PCCA: variants seen among roughly 807,000 people sequenced by gnomAD.
PCCA encodes propionyl-CoA carboxylase alpha chain, mitochondrial.
PCCA carries 74 observed loss-of-function variants against 101.3 expected under a neutral mutation model. That is an observed-to-expected ratio of 0.73 (90% CI 0.61 to 0.89). The LOEUF (loss-of-function observed/expected upper bound fraction) is 0.89. PCCA is among the 40% of genes least tolerant of loss of function. The pLI, the probability that PCCA is intolerant of heterozygous loss-of-function variation, is 0.00. For missense variants in PCCA, 891 were observed against 907.0 expected, an observed-to-expected ratio of 0.98 and a Z score of 0.23; for synonymous variants, 294 against 313.6, an observed-to-expected ratio of 0.94 and a Z score of 0.66.
intron 21 of PCCA, among the ~76,000 whole-genome samples, chr13:100,486,756 T>G (rs2084407715): frequency 6.6e-6 from 1 of 151,926 alleles, no homozygotes; most frequent in Non-Finnish European, 1.5e-5. Context: ...CTGCAAAAAA[T>G]TCAAAAAGTA....
chr13:100,410,749 C>T (rs938655141), intron 19 of PCCA, among the ~76,000 whole-genome samples: 1 of 152,114 alleles, frequency 6.6e-6, no homozygotes, highest in Admixed American at 6.6e-5. Context: ...CCACTGACAA[C>T]CTAGCACACT....
intron 16 of PCCA, among the ~76,000 whole-genome samples, chr13:100,319,986 G>A (rs1443432089): frequency 6.6e-6 from 1 of 152,116 alleles, no homozygotes; most frequent in African/African-American, 2.4e-5. Context: ...CCATTTGTTT[G>A]TGTCTTTTAT....
chr13:100,522,422 G>A (rs1790003322), intron 22 of PCCA, among the ~76,000 whole-genome samples: 2 of 152,130 alleles, frequency 1.3e-5, no homozygotes, highest in Admixed American at 1.3e-4. Context: ...TGATGAACCT[G>A]TCTTTTGTAT....
Position 100,209,368 on chromosome 13 carries a change from C to T in PCCA, c.505C>T (p.His169Tyr), listed in dbSNP as rs765051360. ...TGTCGTTTTCATTGGACCTGACACACATGCTATTCAAGCCATGGGCGACAA... is the reference window on the plus strand; with the variant it reads ...TGTCGTTTTCATTGGACCTGACACATATGCTATTCAAGCCATGGGCGACAA... ...EDVVFIGPDT[H>Y]AIQAMGDKIE... is the part of the protein sequence containing the mutation. Residue 169 changes from histidine to tyrosine, a missense_variant, in exon 7 of 24, where the codon CAT becomes TAT. By Grantham distance (83) the His-to-Tyr change is moderately conservative. Transcript: ENST00000376285. 37 of 1,612,946 alleles carry T rather than the reference C, an allele frequency of 2.3e-5. No individual in the cohort carries two copies. The highest frequency in any genetic ancestry group is 2.8e-5 in the Non-Finnish European group (33 of 1,179,036).
Position 100,361,444 on chromosome 13 carries a change from C to CT in PCCA, c.1644-7013dup, listed in dbSNP as rs71419745. Among the ~76,000 whole-genome samples the CT allele has an allele frequency of 8.6e-3, 1,289 of 149,376 alleles. 14 individuals carry two copies. Among genetic ancestry groups the CT allele is most frequent in the African/African-American group, 0.026 (1,077 of 40,772 alleles). ...CTAAAACTGCTTTAAAAAATAATGTCTTTTTTTTTTTTTTTAAATCTGCTG... is the reference window on the plus strand; with the variant it reads ...CTAAAACTGCTTTAAAAAATAATGTCTTTTTTTTTTTTTTTTAAATCTGCTG... On this transcript the variant is annotated intron_variant, in intron 18 of 23. Coordinates refer to ENST00000376285, the MANE Select transcript of PCCA (RefSeq NM_000282.4).
intron 7 of PCCA, among the ~76,000 whole-genome samples, chr13:100,231,279 C>T (rs2060456033): frequency 6.6e-6 from 1 of 152,114 alleles, no homozygotes; most frequent in African/African-American, 2.4e-5. Context: ...AGAATTGGGC[C>T]TATTGTAATA....
At position 100,368,388 on chromosome 13, in the gene PCCA, T is replaced by C. The variant is rs16957348; in HGVS notation, c.1644-84T>C. The C allele has an allele frequency of 8.7e-3, 6,846 of 785,104 alleles. 321 individuals carry two copies. In the African/African-American group the frequency reaches 0.11, roughly 12 times the overall value. The allele number at this position is 785,104 out of a possible 1,614,324, so 48.6% of individuals were successfully genotyped here. A position where few individuals can be genotyped will look rare whatever the true frequency, so the allele number is the denominator to read the frequency against. ...TACATTCAATGGCAGTTTTAGCCTG[T>C]GCATTTTATATCAAAGGGAAATTAG... On this transcript the variant is annotated intron_variant, in intron 18 of 23. Coordinates refer to ENST00000376285, the MANE Select transcript of PCCA (RefSeq NM_000282.4).
chr13:100,259,589 TC>T (rs2152561208), intron 9 of PCCA, among the ~76,000 whole-genome samples: 1 of 152,186 alleles, frequency 6.6e-6, no homozygotes, highest in South Asian at 2.1e-4. Flanking sequence ...TGCCTCGGCC[TC>T]CCAAAGTGCT....
At chr13:100,449,118 C>G (rs554723351) in intron 20 of PCCA, 134 bp from the exon 21 acceptor site, 47 of 557,270 alleles carry the variant, frequency 8.4e-5, no homozygotes, top group African/African-American at 8.1e-4. Context: ...AAATAATATT[C>G]CACTGTATGG....
intron 12 of PCCA, among the ~76,000 whole-genome samples, chr13:100,290,629 G>A (rs2065052242): frequency 1.3e-5 from 2 of 152,104 alleles, no homozygotes; most frequent in South Asian, 4.1e-4. Flanking sequence ...TCAGTGTTCA[G>A]GTTTAAGTAT....
At chr13:100,322,393 C>A (rs1273342400) in intron 16 of PCCA, among the ~76,000 whole-genome samples, 1 of 151,970 alleles carries the variant, frequency 6.6e-6, no homozygotes, top group Non-Finnish European at 1.5e-5. Context: ...AGCTAAAATT[C>A]TATTACTATG....
intron 12 of PCCA, among the ~76,000 whole-genome samples, chr13:100,281,502 G>C (rs893334408): frequency 6.6e-6 from 1 of 152,096 alleles, no homozygotes; most frequent in Non-Finnish European, 1.5e-5. Context: ...CAAGGATAAG[G>C]GGGGACTACT....
intron 21 of PCCA, among the ~76,000 whole-genome samples, chr13:100,478,258 C>T (rs935033293): frequency 5.9e-5 from 9 of 152,198 alleles, no homozygotes; most frequent in African/African-American, 1.4e-4. Flanking sequence ...CTCTGAGGAG[C>T]GGTCTGTCGC....
chr13:100,259,678 G>A lies in PCCA; in HGVS notation c.716+2005G>A, dbSNP rs150909623. Among the ~76,000 whole-genome samples, 340 of 152,046 alleles carry A rather than the reference G, an allele frequency of 2.2e-3. 1 individual carries two copies. The highest frequency in any genetic ancestry group is 7.9e-3 in the African/African-American group (327 of 41,462). ...GGTGAGAATTATGAAGATTGTTGAA[G>A]GTTCACTTAGATATTTTCATAGTAA... On this transcript the variant is annotated intron_variant, in intron 9 of 23. Coordinates refer to ENST00000376285, the MANE Select transcript of PCCA (RefSeq NM_000282.4).
chr13:100,207,816 G>A (rs1235474885), intron 6 of PCCA, among the ~76,000 whole-genome samples: 3 of 151,858 alleles, frequency 2.0e-5, no homozygotes, highest in Non-Finnish European at 4.4e-5. Flanking sequence ...TTAAGAGGTC[G>A]AGATCATCCT....
chr13:100,419,754 G>T (rs998579231), intron 19 of PCCA, among the ~76,000 whole-genome samples: 1 of 152,208 alleles, frequency 6.6e-6, no homozygotes, highest in African/African-American at 2.4e-5. Context: ...GGCATGAGAT[G>T]GGAGTGAAGG....
intron 4 of PCCA, among the ~76,000 whole-genome samples, chr13:100,116,656 A>T (rs1034664937): frequency 7.3e-6 from 1 of 137,834 alleles, no homozygotes; most frequent in African/African-American, 2.5e-5. Context: ...TTTTATAAGT[A>T]TAACTTTTGC....
intron 12 of PCCA, among the ~76,000 whole-genome samples, chr13:100,300,055 T>G (rs561946091): frequency 1.3e-5 from 2 of 152,320 alleles, no homozygotes; most frequent in South Asian, 2.1e-4. Flanking sequence ...CTTTCTCACA[T>G]GAGATTGGTT....
chr13:100,204,146 T>C (rs1054719546), intron 6 of PCCA, among the ~76,000 whole-genome samples: 7 of 151,864 alleles, frequency 4.6e-5, no homozygotes, highest in Non-Finnish European at 1.5e-5. Flanking sequence ...TTTTTTTTTT[T>C]CGAGACAGGG....
Sources: allele counts gnomAD v4.1 joint callset (sites outside exome capture counted in the v4.1 genomes callset), GRCh38; gene constraint gnomAD v4.1.1; transcripts MANE v1.5; gene names NCBI Gene and HGNC (gene_info 2026-07-23, HGNC 2026-07-21).